The following VWA3B variants were observed in gnomAD, a reference collection of about 807,000 sequenced individuals.
VWA3B encodes the protein von Willebrand factor A domain-containing protein 3B.
A neutral mutation model predicts 158.3 loss-of-function variants in VWA3B; 138 were observed. That is an observed-to-expected ratio of 0.87 (90% CI 0.76 to 1.00). VWA3B has a LOEUF of 1.00. VWA3B is among the 50% of genes least tolerant of loss of function. The probability of loss-of-function intolerance (pLI) is 0.00; values close to 1 mark genes in which losing one functional copy is unlikely to be tolerated. For missense variants in VWA3B, 1,555 were observed against 1,565.1 expected (o/e 0.99, Z 0.11); for synonymous variants, 596 against 587.3 (o/e 1.01, Z -0.21).
intron 19 of VWA3B, 177 bp downstream of exon 19, chr2:98,236,907 G>T: frequency 1.2e-6 from 1 of 860,354 alleles, no homozygotes; most frequent in Non-Finnish European, 1.7e-6. Context: ...TGGGCGCGGT[G>T]GCGCATGCCT....
chr2:98,278,433 C>T (rs921178039), intron 22 of VWA3B, among the ~76,000 whole-genome samples: 8 of 152,138 alleles, frequency 5.3e-5, no homozygotes, highest in African/African-American at 1.4e-4. Flanking sequence ...TGTGACAGCC[C>T]GCTGTATCCC....
At chr2:98,243,459 G>T (rs543155246) in intron 19 of VWA3B, among the ~76,000 whole-genome samples, 1 of 151,798 alleles carries the variant, frequency 6.6e-6, no homozygotes, top group Admixed American at 6.6e-5. Context: ...TCAGCCTCCC[G>T]AGTAGCTGTG....
chr2:98,115,816 G>C (rs1230945743), intron 3 of VWA3B, 70 bp downstream of exon 3: 16 of 1,304,090 alleles, frequency 1.2e-5, no homozygotes, highest in Admixed American at 1.8e-5. Context: ...AGTGCAGTGT[G>C]GGGAGAGACT....
intron 12 of VWA3B, chr2:98,207,773 G>GGATCACGAGGTCAGGAGATCGAGACCA: frequency 3.4e-6 from 1 of 291,532 alleles, no homozygotes; most frequent in Non-Finnish European, 6.8e-6. Flanking sequence ...CTGCTGTACT[G>GGATCACGAGGTCAGGAGATCGAGACCA]TCCCTCTCCT....
At chr2:98,211,039 G>A (rs1683464223) in intron 12 of VWA3B, among the ~76,000 whole-genome samples, 1 of 152,198 alleles carries the variant, frequency 6.6e-6, no homozygotes, top group Non-Finnish European at 1.5e-5. Context: ...GCTCTGCAGT[G>A]GAACTGCAGC....
intron 7 of VWA3B, among the ~76,000 whole-genome samples, chr2:98,138,843 C>G (rs1291739742): frequency 6.6e-6 from 1 of 152,240 alleles, no homozygotes; most frequent in Non-Finnish European, 1.5e-5. Flanking sequence ...AGCGTGCTGG[C>G]AGTCCTCACA....
intron 10 of VWA3B, among the ~76,000 whole-genome samples, chr2:98,188,572 A>G (rs1231009212): frequency 6.6e-6 from 1 of 152,178 alleles, no homozygotes; most frequent in Non-Finnish European, 1.5e-5. Flanking sequence ...TAGCTCCCAC[A>G]TATGAATGAG....
chr2:98,298,256 G>T (rs910568303), intron 24 of VWA3B, among the ~76,000 whole-genome samples: 1 of 152,178 alleles, frequency 6.6e-6, no homozygotes, highest in African/African-American at 2.4e-5. Context: ...GTAGCTCAGG[G>T]CTGCACAGAC....
At chr2:98,140,329 C>T (rs1366335462) in intron 7 of VWA3B, among the ~76,000 whole-genome samples, 3 of 152,222 alleles carry the variant, frequency 2.0e-5, no homozygotes, top group African/African-American at 4.8e-5. Context: ...GATGAGTTCC[C>T]CTCCCTGGGC....
chr2:98,150,715 T>G (rs1677553967), intron 7 of VWA3B, among the ~76,000 whole-genome samples: 1 of 152,248 alleles, frequency 6.6e-6, no homozygotes, highest in Non-Finnish European at 1.5e-5. Flanking sequence ...GGTGTCTGGT[T>G]TCCCCACATT....
chr2:98,321,715 T>C, the VWA3B span, among the ~76,000 whole-genome samples: 3 of 152,218 alleles, frequency 2.0e-5, no homozygotes, highest in African/African-American at 7.2e-5. Context: ...TTGTGTCAGA[T>C]GAGACTTTGG....
At chr2:98,272,923 A>G (rs892420310) in intron 22 of VWA3B, among the ~76,000 whole-genome samples, 1 of 152,132 alleles carries the variant, frequency 6.6e-6, no homozygotes, top group African/African-American at 2.4e-5. Flanking sequence ...ATCCCATGTG[A>G]TGCCTTTTGC....
chr2:98,303,616 A>G (rs925948631), intron 25 of VWA3B, 86 bp from the exon 26 acceptor site: 1 of 1,265,484 alleles, frequency 7.9e-7, no homozygotes, highest in African/African-American at 1.5e-5. Context: ...AGAAGCTATT[A>G]TAATGGGTTG....
intron 22 of VWA3B, among the ~76,000 whole-genome samples, chr2:98,283,692 G>A (rs867471288): frequency 1.1e-4 from 16 of 152,152 alleles, no homozygotes; most frequent in African/African-American, 3.9e-4. Flanking sequence ...CTTGCATCCT[G>A]GCCTTATACA....
Position 98,179,261 on chromosome 2 carries a change from G to A in VWA3B, c.1115-1755G>A, listed in dbSNP as rs778540657. 31 of 470,990 alleles carry A rather than the reference G, an allele frequency of 6.6e-5. 1 individual carries two copies. The highest frequency in any genetic ancestry group is 3.1e-4 in the South Asian group (20 of 64,568). The allele number at this position is 470,990 out of a possible 1,614,324, so 29.2% of individuals were successfully genotyped here. On this transcript the variant is annotated intron_variant, in intron 8 of 27. Coordinates refer to ENST00000477737, the MANE Select transcript of VWA3B (RefSeq NM_144992.5). ...TCCCTTAGGTGCTGTTCCAAGTTTCGAGTCATCTGGAAAAATAGTTTTCTG... is the reference window on the plus strand; with the variant it reads ...TCCCTTAGGTGCTGTTCCAAGTTTCAAGTCATCTGGAAAAATAGTTTTCTG...
At chr2:98,250,531 TAATGAAGCAGC>T in intron 20 of VWA3B, 95 bp downstream of exon 20, 2 of 950,678 alleles carry the variant, frequency 2.1e-6, no homozygotes, top group Non-Finnish European at 3.1e-6. Flanking sequence ...TTTTTTTTTT[TAATGAAGCAGC>T]TATTTAAAAA....
chr2:98,223,083 A>G (rs1013586582), intron 14 of VWA3B, among the ~76,000 whole-genome samples: 7 of 152,226 alleles, frequency 4.6e-5, no homozygotes, highest in African/African-American at 1.4e-4. Flanking sequence ...ATCTATTACA[A>G]ATCCTCTTGA....
chr2:98,198,969 A>C (rs1050627803), intron 12 of VWA3B, among the ~76,000 whole-genome samples: 22 of 152,040 alleles, frequency 1.4e-4, no homozygotes, highest in African/African-American at 5.3e-4. Context: ...CGCCTGTAGT[A>C]CCAGCTACTC....
intron 17 of VWA3B, among the ~76,000 whole-genome samples, chr2:98,235,065 T>G (rs1574156564): frequency 6.6e-6 from 1 of 152,166 alleles, no homozygotes; most frequent in Non-Finnish European, 1.5e-5. Context: ...CATAGTTGAT[T>G]TTTTTTCTTC....
Sources: gnomAD v4.1 joint callset for allele counts (sites outside exome capture counted in the v4.1 genomes callset) on GRCh38, gnomAD v4.1.1 for gene constraint, MANE v1.5 for transcripts, NCBI Gene and HGNC (gene_info 2026-07-23, HGNC 2026-07-21) for gene names.